The following NAV1 variants were observed in gnomAD, a reference collection of about 807,000 sequenced individuals.
NAV1 encodes neuron navigator 1.
A neutral mutation model predicts 175.2 loss-of-function variants in NAV1; 18 were observed. The ratio of observed to expected loss-of-function variants is 0.10; its 90% confidence interval spans 0.07 to 0.15. The LOEUF (loss-of-function observed/expected upper bound fraction) is 0.15, where lower values mean the gene tolerates loss of function less well. NAV1 is among the 10% of genes least tolerant of loss of function. The pLI, the probability that NAV1 is intolerant of heterozygous loss-of-function variation, is 1.00. For missense variants in NAV1, 1,731 were observed against 2,436.6 expected (o/e 0.71, Z 6.10); for synonymous variants, 897 against 978.7 (o/e 0.92, Z 1.56).
intron 1 of NAV1, among the ~76,000 whole-genome samples, chr1:201,547,781 C>T (rs1363783937): frequency 6.6e-6 from 1 of 152,158 alleles, no homozygotes; most frequent in Non-Finnish European, 1.5e-5. Flanking sequence ...ATCCTCTTCA[C>T]TAGGTCTTTT....
intron 3 of NAV1, among the ~76,000 whole-genome samples, chr1:201,772,676 A>C (rs1191629460): frequency 6.6e-6 from 1 of 152,160 alleles, no homozygotes; most frequent in Admixed American, 6.5e-5. Context: ...CTTGGGTTAT[A>C]CGCTCATTCT....
chr1:201,648,833 C>G, exon 1 of NAV1: 13 of 1,600,182 alleles, frequency 8.1e-6, no homozygotes, highest in Non-Finnish European at 1.1e-5. Context: ...GCGGCGGCGG[C>G]ATGGCCAAGG....
rs532970221 is a variant in NAV1 at position 201,726,692 on chromosome 1, T to C, written c.1226+7937T>C. On this transcript the variant is annotated intron_variant, in intron 3 of 29. Coordinates refer to ENST00000367296, the Ensembl canonical transcript of NAV1. ...TAGAAATCTATTATTCTGATCTCCA[T>C]GTAATGTTCTCTTCATTTAGCTGAT... Among the ~76,000 whole-genome samples, 3 of 151,856 alleles carry C rather than the reference T, an allele frequency of 2.0e-5. No individual in the cohort carries two copies. In the South Asian group the frequency reaches 6.3e-4, roughly 32 times the overall value.
Position 201,740,441 on chromosome 1 carries a change from C to A in NAV1, c.1226+21686C>A, listed in dbSNP as rs886308047. Among the ~76,000 whole-genome samples, 7 of 152,218 alleles carry A rather than the reference C, an allele frequency of 4.6e-5. No individual in the cohort carries two copies. The East Asian group carries it at 1.2e-3, about 25-fold the overall frequency. On this transcript the variant is annotated intron_variant, in intron 3 of 29. Coordinates refer to ENST00000367296, the Ensembl canonical transcript of NAV1. This position sits in a 1 kb window ranked among gnomAD's most constrained non-coding sequence, Gnocchi z 4.7. ...TGAACTTCGATGGTTGCGGCTGTGG[C>A]GCGTGGGGGCCCGGCCTGTGAGGGT... is the stretch of plus-strand genomic sequence containing the variant.
At chr1:201,591,283 A>T (rs998193922) in intron 2 of NAV1, among the ~76,000 whole-genome samples, 1 of 152,014 alleles carries the variant, frequency 6.6e-6, no homozygotes, top group African/African-American at 2.4e-5. Context: ...CACCTGGGGG[A>T]GACGAGGCAA....
intron 3 of NAV1, among the ~76,000 whole-genome samples, chr1:201,744,312 G>GTATT (rs769362512): frequency 0.15 from 21,840 of 145,082 alleles, 2,014 homozygotes; most frequent in Non-Finnish European, 0.2. Flanking sequence ...ATGTATGTAT[G>GTATT]TATGTATTTA....
chr1:201,660,239 G>T (rs1046575836), intron 1 of NAV1, among the ~76,000 whole-genome samples: 2 of 152,224 alleles, frequency 1.3e-5, no homozygotes, highest in African/African-American at 2.4e-5. Context: ...TGCTCCCACT[G>T]CCACAGTGGA....
chr1:201,539,947 A>G lies in NAV1; in HGVS notation c.-144+605A>G, dbSNP rs948172457. Among the ~76,000 whole-genome samples, 10 of 152,154 alleles carry G rather than the reference A, an allele frequency of 6.6e-5. No homozygotes were observed. The highest frequency in any genetic ancestry group is 6.5e-4 in the Admixed American group (10 of 15,280). ...CTGGCGCCCGCCCAGTGCGTCTGGG[A>G]GCGGAGAAAGTGGTCCCGGAGGAGA... On this transcript the variant is annotated intron_variant, in intron 1 of 33. Transcript: ENST00000685211. This position sits in a 1 kb window ranked among gnomAD's most constrained non-coding sequence, Gnocchi z 5.6.
intron 2 of NAV1, among the ~76,000 whole-genome samples, chr1:201,617,238 C>CTCTG (rs1258949125): frequency 1.3e-5 from 2 of 150,552 alleles, no homozygotes; most frequent in South Asian, 2.1e-4. Flanking sequence ...CTCTCTCTCT[C>CTCTG]TCTGTCTGTC....
intron 2 of NAV1, among the ~76,000 whole-genome samples, chr1:201,630,535 G>A (rs1668455878): frequency 6.6e-6 from 1 of 152,196 alleles, no homozygotes; most frequent in South Asian, 2.1e-4. Flanking sequence ...TGGCCTGGGA[G>A]CTGGGACCTT....
chr1:201,641,570 G>A (rs1236928247), intron 2 of NAV1, among the ~76,000 whole-genome samples: 4 of 152,242 alleles, frequency 2.6e-5, no homozygotes, highest in African/African-American at 7.2e-5. Context: ...AAGAAGTGGG[G>A]AACAATGGCT....
chr1:201,718,754 G>A lies in NAV1; in HGVS notation c.1225G>A (p.Gly409Ser), dbSNP rs756846075. 1.2e-5 allele frequency: 19 copies of A among 1,603,492 alleles called. No homozygotes were observed. The highest frequency in any genetic ancestry group is 1.1e-5 in the Non-Finnish European group (13 of 1,171,964). Residue 409 changes from glycine to serine, a missense_variant and splice_region_variant, in exon 3 of 30, where the codon GGC (glycine) becomes AGC (serine). This residue lies in a region of NAV1 where 487 missense variants were observed against 581.3 expected (regional missense o/e 0.84). Coordinates refer to ENST00000367296, the Ensembl canonical transcript of NAV1. This position sits in a 1 kb window ranked among gnomAD's most constrained non-coding sequence, Gnocchi z 4.8. ...GACGGAGGATGATGACATCACTACC[G>A]GGTAAGCGCAGGGGCTTCTTGGATG...
rs139817538 is a variant in NAV1 at position 201,782,567 on chromosome 1, C to T, written c.2055C>T (p.Thr685=). 288 of 1,611,876 alleles carry T rather than the reference C, an allele frequency of 1.8e-4. No individual in the cohort carries two copies. The African/African-American group carries it at 2.7e-3, about 15-fold the overall frequency. The stretch of plus-strand genomic sequence containing the variant: ...CCAAGTCAAGTTCTATGAGCGTGAC[C>T]GGCGGGCGGGGTGGACCTCGCCCTG... Residue 685 remains threonine, a synonymous_variant, in exon 6 of 30, where the codon ACC becomes ACT. Coordinates refer to ENST00000367296, the Ensembl canonical transcript of NAV1. The surrounding 1 kb of genome is among the most constrained non-coding windows in gnomAD (Gnocchi z 5.4).
intron 3 of NAV1, among the ~76,000 whole-genome samples, chr1:201,749,846 T>C (rs908443593): frequency 2.6e-5 from 4 of 152,010 alleles, no homozygotes; most frequent in Non-Finnish European, 4.4e-5. Context: ...GGCTGCTGCA[T>C]TGAGCCATGT....
chr1:201,729,137 C>G (rs1571911028), intron 3 of NAV1, among the ~76,000 whole-genome samples: 1 of 152,160 alleles, frequency 6.6e-6, no homozygotes, highest in Non-Finnish European at 1.5e-5. Flanking sequence ...TCAACCTTTT[C>G]CTTATGTTCT....
intron 1 of NAV1, chr1:201,673,708 C>G (rs1013977199): frequency 2.0e-5 from 3 of 152,236 alleles, no homozygotes. Context: ...AGGCATAGGA[C>G]AGAATGTATG....
rs550545868 is a variant in NAV1, at chr1:201,758,394, T to C, written c.1227-22027T>C. 4.6e-5 allele frequency among the ~76,000 whole-genome samples: 7 copies of C among 152,360 alleles called. No homozygotes were observed. In the South Asian group the frequency reaches 6.2e-4, roughly 14 times the overall value. ...CTGTAGGAACCAACCTGAGCAAATA[T>C]GTAAGCTTTCTGTCAAGCTACATAG... On this transcript the variant is annotated intron_variant, in intron 3 of 29. Coordinates refer to ENST00000367296, the Ensembl canonical transcript of NAV1.
chr1:201,741,514 GA>G (rs34681876), intron 3 of NAV1, among the ~76,000 whole-genome samples: 84,143 of 151,938 alleles, frequency 0.55, 25,908 homozygotes, highest in Non-Finnish European at 0.7. Flanking sequence ...TGAAGGGAAG[GA>G]ACTGTTCATA....
chr1:201,744,048 CTAATTTTG>C (rs112849647), intron 3 of NAV1, among the ~76,000 whole-genome samples: 3,205 of 152,252 alleles, frequency 0.021, 108 homozygotes, highest in African/African-American at 0.065. Flanking sequence ...CCATGCCCAG[CTAATTTTG>C]TATTTTTAGT....
Sources: gnomAD v4.1 joint callset for allele counts (sites outside exome capture counted in the v4.1 genomes callset) on GRCh38, gnomAD v4.1.1 for gene constraint, gnomAD v4.1.1 regional missense constraint, Gnocchi (gnomAD v3.1) non-coding constraint, MANE v1.5 for transcripts, NCBI Gene and HGNC (gene_info 2026-07-23, HGNC 2026-07-21) for gene names.